The following CYP2D6 variants were observed in gnomAD, a reference collection of about 807,000 sequenced individuals.
CYP2D6 encodes cytochrome P450 2D6.
Under a neutral mutation model 43.5 loss-of-function variants are expected in CYP2D6, and 51 were observed. That is an observed-to-expected ratio of 1.17 (90% CI 0.94 to 1.48). The LOEUF is 1.48. Ranked by LOEUF, CYP2D6 falls within the 40% of genes most tolerant of loss-of-function variation. The pLI is 0.00. For missense variants in CYP2D6, 698 were observed against 688.0 expected (o/e 1.01, Z -0.16); for synonymous variants, 346 against 297.1 (o/e 1.16, Z -1.69).
intron 2 of CYP2D6, chr22:42,129,429 C>G: frequency 1.3e-6 from 1 of 762,448 alleles, no homozygotes; most frequent in Non-Finnish European, 2.3e-6. Flanking sequence ...CCGCGCCACC[C>G]ACACTGAGCT....
At chr22:42,129,529 T>C in intron 2 of CYP2D6, 2 of 763,428 alleles carry the variant, frequency 2.6e-6, no homozygotes, top group South Asian at 3.3e-5. Context: ...TCCTGCCAGG[T>C]CTCGGCAGTG....
intron 4 of CYP2D6, among the ~76,000 whole-genome samples, 177 bp from the exon 5 acceptor site, chr22:42,128,527 T>G (rs966432083): frequency 4.7e-5 from 7 of 150,532 alleles, no homozygotes; most frequent in African/African-American, 1.7e-4. Flanking sequence ...AGGAGAAACC[T>G]AAAATCGAAA....
chr22:42,129,760 C>T lies in CYP2D6; in HGVS notation c.330G>A (p.Leu110=), dbSNP rs1931734912. ...DRPPVPITQI[L]GFGPRSQGVF... is the part of the protein sequence containing the mutation. ...TGCCTTGGGAACGCGGCCCGAAACC[C>T]AGGATCTGGGTGATGGGCACAGGCG... The change falls in exon 2 of 9, where the codon CTG becomes CTA. Residue 110 remains leucine, a synonymous_variant. Transcript: ENST00000645361. The T allele has an allele frequency of 1.2e-6, 2 of 1,609,858 alleles. No homozygotes were observed. Among genetic ancestry groups the T allele is most frequent in the East Asian group, 2.2e-5 (1 of 44,742 alleles).
chr22:42,127,142 C>T lies in CYP2D6; in HGVS notation c.1174-150G>A, dbSNP rs563222423. 6.3e-5 allele frequency: 69 copies of T among 1,101,626 alleles called. 4 individuals carry two copies. The highest frequency in any genetic ancestry group is 8.5e-5 in the Non-Finnish European group (64 of 751,954). The allele number at this position is 1,101,626 out of a possible 1,614,324, so 68.2% of individuals were successfully genotyped here. ...CCGAGAAGCTCCACAGTACCCTCTC[C>T]GACCCCACAGCAGGGCGCAGTCACA... On this transcript the variant is annotated intron_variant, in intron 7 of 8. Coordinates refer to ENST00000645361, the MANE Select transcript of CYP2D6 (RefSeq NM_000106.6).
chr22:42,127,963 G>A lies in CYP2D6; in HGVS notation c.864C>T (p.Ser288=), dbSNP rs555215038. 33 of 1,611,440 alleles carry A rather than the reference G, an allele frequency of 2.0e-5. No individual in the cohort carries two copies. The East Asian group carries it at 6.7e-4, about 33-fold the overall frequency. The change falls in exon 6 of 9, where the codon AGC becomes AGT. Residue 288 remains serine (S), a synonymous_variant. Coordinates refer to ENST00000645361, the MANE Select transcript of CYP2D6 (RefSeq NM_000106.6). ...EMEKAKGNPE[S]SFNDENLRIV... is the part of the protein sequence containing the mutation. ...TGCGCAGGTTCTCATCATTGAAGCT[G>A]CTCTCAGGGTTCCCCTTGGCCTGAG...
At position 42,130,627 on chromosome 22, in the gene CYP2D6, T is replaced by A. The variant is rs759719512; in HGVS notation, c.165A>T (p.Pro55=). ...CCTCCCTCACCTGGTCGAAGCAGTA[T>A]GGTGTGTTCTGGAAGTCCACATGCA... is the stretch of plus-strand genomic sequence containing the variant. ...NLLHVDFQNT[P]YCFDQLRRRF... is the part of the protein sequence containing the mutation. The change falls in exon 1 of 9, where the codon CCA becomes CCT. Residue 55 remains proline (P), a synonymous_variant. Coordinates refer to ENST00000645361, the MANE Select transcript of CYP2D6 (RefSeq NM_000106.6). The A allele has an allele frequency of 6.2e-7, 1 of 1,605,508 alleles. No homozygotes were observed. Among genetic ancestry groups the A allele is most frequent in the Non-Finnish European group, 8.5e-7 (1 of 1,175,996 alleles).
rs889634980 is a variant in CYP2D6 at position 42,127,258 on chromosome 22, G to T, written c.1173+189C>A. ...GTCCTGGTTTGTCTCCCCACTAGAC[G>T]GGGGCTCTGGATGGACAGGCCAGCC... On this transcript the variant is annotated intron_variant, in intron 7 of 8. Transcript: ENST00000645361. 1.8e-4 allele frequency among the ~76,000 whole-genome samples: 28 copies of T among 151,600 alleles called. 1 individual carries two copies. The highest frequency in any genetic ancestry group is 6.2e-4 in the South Asian group (3 of 4,802).
Position 42,127,532 on chromosome 22 carries a change from A to T in CYP2D6, c.1088T>A (p.Val363Glu), listed in dbSNP as rs749112120. ...MPYTTAVIHEVQRFGDIVPLG... is the reference protein window; with the variant it reads ...MPYTTAVIHEEQRFGDIVPLG... ...GGGGACGATGTCCCCAAAGCGCTGC[A>T]CCTCATGAATCACGGCAGTGGTGTA... The change falls in exon 7 of 9, where the codon GTG becomes GAG. Residue 363 changes from valine (V) to glutamate (E), a missense_variant. Physicochemically the swap from Val to Glu is moderately radical, Grantham distance 121. Coordinates refer to ENST00000645361, the MANE Select transcript of CYP2D6 (RefSeq NM_000106.6). The T allele has an allele frequency of 3.1e-6, 5 of 1,611,946 alleles. No homozygotes were observed. The African/African-American group carries it at 6.7e-5, about 22-fold the overall frequency.
intron 4 of CYP2D6, 54 bp downstream of exon 4, chr22:42,128,730 C>G: frequency 2.5e-6 from 4 of 1,571,258 alleles, no homozygotes; most frequent in Non-Finnish European, 3.5e-6. Context: ...AGTCCAGCCC[C>G]GGCACCTCTC....
intron 1 of CYP2D6, 159 bp from the exon 2 acceptor site, chr22:42,130,068 C>T (rs946960347): frequency 9.5e-6 from 7 of 738,096 alleles, no homozygotes; most frequent in Non-Finnish European, 1.1e-5. Flanking sequence ...GTGGGGGTCA[C>T]ACCTTCTGTG....
intron 2 of CYP2D6, 98 bp from the exon 3 acceptor site, chr22:42,129,283 C>G: frequency 6.9e-7 from 1 of 1,449,610 alleles, no homozygotes. Flanking sequence ...CTCCCGCAGT[C>G]CCTGGCTCTG....
chr22:42,129,457 C>T (rs939143877), intron 2 of CYP2D6: 3 of 729,676 alleles, frequency 4.1e-6, no homozygotes, highest in African/African-American at 3.5e-5. Flanking sequence ...CAGGTGCGGT[C>T]CCCGCCCCCC....
In CYP2D6 at chr22:42,128,804, C is replaced by A. The variant is rs199609589; in HGVS notation, c.646G>T (p.Glu216Ter). Residue 216 changes from glutamate (E) to a stop codon, truncating the protein, a stop_gained, in exon 4 of 9, where the codon GAG becomes TAG. Coordinates refer to ENST00000645361, the MANE Select transcript of CYP2D6 (RefSeq NM_000106.6). LOFTEE classifies it high-confidence loss of function. ...CGCACCTCGCGCAGAAAGCCCGACT[C>A]CTCCTTCAGTCCCTCCTGAGCTAGG... is the stretch of plus-strand genomic sequence containing the variant. ...LDLAQEGLKE[E>*]SGFLREVLNA... 4 of 1,607,672 alleles carry A rather than the reference C, an allele frequency of 2.5e-6. No homozygotes were observed. The highest frequency in any genetic ancestry group is 1.3e-5 in the African/African-American group (1 of 74,262).
intron 5 of CYP2D6, 36 bp from the exon 6 acceptor site, chr22:42,128,019 G>A (rs1341308033): frequency 1.9e-6 from 3 of 1,611,036 alleles, no homozygotes; most frequent in Non-Finnish European, 2.5e-6. Context: ...GGACAGAACG[G>A]GGTAGCCCCC....
At chr22:42,128,984 T>TCC (rs1569025247) in intron 3 of CYP2D6, 40 bp from the exon 4 acceptor site, 2 of 1,585,066 alleles carry the variant, frequency 1.3e-6, no homozygotes, top group Admixed American at 3.6e-5. Flanking sequence ...GCCTTCCCCG[T>TCC]CCCCCGCCTT....
chr22:42,129,034 G>C lies in CYP2D6; in HGVS notation c.504C>G (p.Ser168=), dbSNP rs199849357. Reference sequence around the variant, plus strand: ...TGTGCCCTTCTGCCCATCACCCACCGGAGTGGTTGGCGAAGGCGGCACAAA... The same window carrying C: ...TGTGCCCTTCTGCCCATCACCCACCCGAGTGGTTGGCGAAGGCGGCACAAA... ...ACLCAAFANH[S]GRPFRPNGLL... The change falls in exon 3 of 9, where the codon TCC becomes TCG. Residue 168 remains serine (S), a splice_region_variant and synonymous_variant. Transcript: ENST00000645361. The C allele has an allele frequency of 6.2e-7, 1 of 1,606,086 alleles. No individual in the cohort carries two copies. Among genetic ancestry groups the C allele is most frequent in the Non-Finnish European group, 8.5e-7 (1 of 1,176,118 alleles).
intron 4 of CYP2D6, 125 bp from the exon 5 acceptor site, chr22:42,128,475 T>G: frequency 8.6e-7 from 1 of 1,163,272 alleles, no homozygotes; most frequent in Non-Finnish European, 1.3e-6. Flanking sequence ...CCTCACCAAG[T>G]CCCTCCCCAA....
intron 2 of CYP2D6, 73 bp from the exon 3 acceptor site, chr22:42,129,258 T>G: frequency 6.5e-7 from 1 of 1,543,058 alleles, no homozygotes; most frequent in Non-Finnish European, 8.8e-7. Context: ...ACTCCAACCC[T>G]ATGCTCCCCC....
rs771132975 is a variant in CYP2D6, at chr22:42,129,093, G to A, written c.445C>T (p.Leu149=). 10 of 1,610,190 alleles carry A rather than the reference G, an allele frequency of 6.2e-6. 1 individual carries two copies. The highest frequency in any genetic ancestry group is 2.7e-5 in the African/African-American group (2 of 74,458). Residue 149 remains leucine (L), a synonymous_variant, in exon 3 of 9, where the codon CTG becomes TTG. Coordinates refer to ENST00000645361, the MANE Select transcript of CYP2D6 (RefSeq NM_000106.6). The stretch of plus-strand genomic sequence containing the variant: ...GCCTCCTCGGTCACCCACTGCTCCA[G>A]CGACTTCTTGCCCAGGCCCAAGTTG... ...LRNLGLGKKS[L]EQWVTEEAAC...
Sources: gnomAD v4.1 joint callset for allele counts (sites outside exome capture counted in the v4.1 genomes callset) on GRCh38, gnomAD v4.1.1 for gene constraint, MANE v1.5 for transcripts, NCBI Gene and HGNC (gene_info 2026-07-23, HGNC 2026-07-21) for gene names.